The following TSC22D2 variants were observed in gnomAD, a reference collection of about 807,000 sequenced individuals.
TSC22D2 encodes the protein TSC22 domain family protein 2.
A neutral mutation model predicts 50.1 loss-of-function variants in TSC22D2; 5 were observed. That is an observed-to-expected ratio of 0.10 (90% CI 0.05 to 0.21). The LOEUF (loss-of-function observed/expected upper bound fraction) is 0.21. Among genes scored for constraint, TSC22D2 ranks in the 10% least tolerant of loss-of-function variants. The pLI is 1.00. For synonymous variants in TSC22D2, 501 were observed against 450.1 expected (o/e 1.11, Z -1.43); for missense variants, 1,003 against 1,015.5 (o/e 0.99, Z 0.17).
rs372052854 is a variant in TSC22D2 at position 150,456,626 on chromosome 3, G to GA, written c.1959-440dup. Among the ~76,000 whole-genome samples, 7 of 56,772 alleles carry GA rather than the reference G, an allele frequency of 1.2e-4. 1 individual carries two copies. The highest frequency in any genetic ancestry group is 0.02 in the Middle Eastern group (2 of 100). 37.2% of individuals were successfully genotyped at this position (56,772 alleles called of 152,430 possible). A position where few individuals can be genotyped will look rare whatever the true frequency, so the allele number is the denominator to read the frequency against. ...AAAGTCTTACTAAGAGGAGGGACTA[G>GA]AAAAAAAAAAGTCAAGCCATCATCT... On this transcript the variant is annotated intron_variant, in intron 1 of 2. Transcript: ENST00000688009.
Position 150,409,585 on chromosome 3 carries a change from G to A in TSC22D2, c.235G>A (p.Glu79Lys). The change falls in exon 1 of 3, where the codon GAG becomes AAG. Residue 79 changes from glutamate (E) to lysine (K), a missense_variant. Physicochemically the swap from Glu to Lys is moderately conservative, Grantham distance 56 (BLOSUM62 1). This residue lies in a region of TSC22D2 where 200 missense variants were observed against 182.8 expected (regional missense o/e 1.09). Coordinates refer to ENST00000688009, the MANE Select transcript of TSC22D2 (RefSeq NM_001303264.2). The surrounding 1 kb of genome is among the most constrained non-coding windows in gnomAD (Gnocchi z 7.4). ...EETLNNVGDA[E>K]TPGTVSPNLL... The stretch of plus-strand genomic sequence containing the variant: ...GACGCTTAACAATGTTGGGGATGCG[G>A]AGACTCCCGGGACCGTCTCCCCAAA... The A allele has an allele frequency of 6.3e-7, 1 of 1,599,576 alleles. No homozygotes were observed. Among genetic ancestry groups the A allele is most frequent in the Non-Finnish European group, 8.6e-7 (1 of 1,168,802 alleles).
chr3:150,417,271 G>A (rs1719846881), intron 1 of TSC22D2, among the ~76,000 whole-genome samples: 1 of 152,100 alleles, frequency 6.6e-6, no homozygotes, highest in African/African-American at 2.4e-5. Flanking sequence ...TATTACACAA[G>A]TATATAATTT....
intron 1 of TSC22D2, among the ~76,000 whole-genome samples, chr3:150,456,738 T>TA (rs1171654632): frequency 1.3e-5 from 2 of 152,140 alleles, no homozygotes; most frequent in Non-Finnish European, 2.9e-5. Flanking sequence ...ATTTAAGAGA[T>TA]ACGGAGAAGA....
chr3:150,423,537 A>G (rs1720082448), intron 1 of TSC22D2: 1 of 152,352 alleles, frequency 6.6e-6, no homozygotes, highest in Non-Finnish European at 1.5e-5. Flanking sequence ...GAGGAGGAAC[A>G]AGACCAAGGT....
chr3:150,410,664 C>G lies in TSC22D2; in HGVS notation c.1314C>G (p.Ala438=), dbSNP rs745397489. 14 of 1,555,192 alleles carry G rather than the reference C, an allele frequency of 9.0e-6. No homozygotes were observed. Among genetic ancestry groups the G allele is most frequent in the Non-Finnish European group, 1.1e-5 (13 of 1,152,546 alleles). ...GASSQPSEAM[A]PRTGPAQGGQ... ...CTTCCCAGCCCAGCGAAGCCATGGC[C>G]CCCCGGACGGGACCAGCGCAAGGCG... Residue 438 remains alanine, a synonymous_variant, in exon 1 of 3, where the codon GCC becomes GCG. Transcript: ENST00000688009.
At chr3:150,447,334 G>A (rs1273546145) in intron 1 of TSC22D2, among the ~76,000 whole-genome samples, 2 of 152,128 alleles carry the variant, frequency 1.3e-5, no homozygotes, top group African/African-American at 4.8e-5. Flanking sequence ...GGCCCCACTT[G>A]TCTTTTCATT....
intron 1 of TSC22D2, among the ~76,000 whole-genome samples, chr3:150,441,040 A>G (rs987098141): frequency 4.0e-5 from 6 of 148,940 alleles, no homozygotes; most frequent in Non-Finnish European, 8.9e-5. Flanking sequence ...GTCTTTTTAT[A>G]TATATATTAA....
At chr3:150,455,412 T>C (rs911175390) in intron 1 of TSC22D2, among the ~76,000 whole-genome samples, 2 of 152,220 alleles carry the variant, frequency 1.3e-5, no homozygotes, top group African/African-American at 4.8e-5. Context: ...ATATTAGATA[T>C]ACAAAACCTC....
At chr3:150,415,173 G>T (rs1322961031) in intron 1 of TSC22D2, among the ~76,000 whole-genome samples, 1 of 151,994 alleles carries the variant, frequency 6.6e-6, no homozygotes, top group East Asian at 1.9e-4. Flanking sequence ...TTTCCAAAAA[G>T]GCTTACGATT....
chr3:150,459,150 T>C lies in TSC22D2; in HGVS notation c.*514T>C, dbSNP rs1019389498. On this transcript the variant is annotated 3_prime_UTR_variant, in exon 3 of 3. Transcript: ENST00000688009. ...CTTTTTTAATTTTTTTGAATAATTA[T>C]AAGTATCAGTAAAGGAAGTGAAAGA... 5 of 152,668 alleles carry C rather than the reference T, an allele frequency of 3.3e-5. No individual in the cohort carries two copies. Among genetic ancestry groups the C allele is most frequent in the African/African-American group, 1.2e-4 (5 of 41,442 alleles). 9.5% of individuals were successfully genotyped at this position (152,668 alleles called of 1,614,324 possible). A position where few individuals can be genotyped will look rare whatever the true frequency, so the allele number is the denominator to read the frequency against.
rs755858421 is a variant in TSC22D2, at chr3:150,460,345, C to T, written c.*1709C>T. 7 of 152,176 alleles carry T rather than the reference C, an allele frequency of 4.6e-5. No individual in the cohort carries two copies. The highest frequency in any genetic ancestry group is 1.0e-4 in the Non-Finnish European group (7 of 68,026). The allele number at this position is 152,176 out of a possible 1,614,324, so 9.4% of individuals were successfully genotyped here. On this transcript the variant is annotated 3_prime_UTR_variant, in exon 3 of 3. Coordinates refer to ENST00000688009, the MANE Select transcript of TSC22D2 (RefSeq NM_001303264.2). ...GTCTACCAAAACTTTTACTTGAATT[C>T]AGAAAGGTGCCTGTAGAAATTAACA...
intron 1 of TSC22D2, among the ~76,000 whole-genome samples, chr3:150,414,941 T>A (rs1719744870): frequency 6.7e-6 from 1 of 150,080 alleles, no homozygotes; most frequent in Non-Finnish European, 1.5e-5. Flanking sequence ...ACAGTTGATG[T>A]CTGAATCACA....
intron 1 of TSC22D2, among the ~76,000 whole-genome samples, chr3:150,415,435 G>A (rs775460839): frequency 1.3e-5 from 2 of 152,266 alleles, no homozygotes; most frequent in Non-Finnish European, 1.5e-5. Flanking sequence ...ACCTTTATGA[G>A]AAGTCATTTT....
At chr3:150,427,702 A>G (rs949683150) in intron 1 of TSC22D2, among the ~76,000 whole-genome samples, 4 of 152,082 alleles carry the variant, frequency 2.6e-5, no homozygotes, top group Non-Finnish European at 4.4e-5. Context: ...CTAGTAGAGG[A>G]TAGTACAAGA....
intron 1 of TSC22D2, among the ~76,000 whole-genome samples, chr3:150,450,055 T>C (rs904428903): frequency 6.6e-6 from 1 of 151,828 alleles, no homozygotes; most frequent in African/African-American, 2.4e-5. Flanking sequence ...AATGTGTTTA[T>C]TTAAAGTTCT....
chr3:150,440,665 C>T (rs1015773788), intron 1 of TSC22D2, among the ~76,000 whole-genome samples: 11 of 53,910 alleles, frequency 2.0e-4, no homozygotes, highest in African/African-American at 7.9e-4. Context: ...CCTTTAGTTG[C>T]GAATAATTCT....
intron 1 of TSC22D2, among the ~76,000 whole-genome samples, chr3:150,454,548 A>AT (rs1477623725): frequency 6.6e-6 from 1 of 152,198 alleles, no homozygotes; most frequent in Non-Finnish European, 1.5e-5. Context: ...AGAAATGCAG[A>AT]TTCCTGGTTC....
In TSC22D2 at chr3:150,408,671, T is replaced by G. The variant is rs999118238; in HGVS notation, c.-680T>G. 1.1e-4 allele frequency: 17 copies of G among 152,462 alleles called. No homozygotes were observed. Among genetic ancestry groups the G allele is most frequent in the African/African-American group, 4.1e-4 (17 of 41,424 alleles). 9.4% of individuals were successfully genotyped at this position (152,462 alleles called of 1,614,324 possible). On this transcript the variant is annotated 5_prime_UTR_variant, in exon 1 of 3. The change abolishes an upstream ATG in the 5' untranslated region. Coordinates refer to ENST00000688009, the MANE Select transcript of TSC22D2 (RefSeq NM_001303264.2). ...GGGTTTCCGCCTGAGGCAGTCGACA[T>G]GTCCCTGGGGCTGAGCTCCGGCTAG...
chr3:150,459,572 G>GTTTTTTTTTTTTTTTGTT lies in TSC22D2; in HGVS notation c.*949_*950insTTGTTTTTTTTTTTTTTT, dbSNP rs11330414. The GTTTTTTTTTTTTTTTGTT allele has an allele frequency of 8.7e-6, 1 of 115,560 alleles. No homozygotes were observed. Among genetic ancestry groups the GTTTTTTTTTTTTTTTGTT allele is most frequent in the South Asian group, 2.7e-4 (1 of 3,690 alleles). The allele number at this position is 115,560 out of a possible 1,614,324, so 7.2% of individuals were successfully genotyped here. On this transcript the variant is annotated 3_prime_UTR_variant, in exon 3 of 3. Coordinates refer to ENST00000688009, the MANE Select transcript of TSC22D2 (RefSeq NM_001303264.2). The stretch of plus-strand genomic sequence containing the variant: ...TAATGGAGTTTGGTTTTTTTTTGTT[G>GTTTTTTTTTTTTTTTGTT]TTTTTTTTTTTTTGTCTTTTTTTTT...
Sources: gnomAD v4.1 joint callset for allele counts (sites outside exome capture counted in the v4.1 genomes callset) on GRCh38, gnomAD v4.1.1 for gene constraint, gnomAD v4.1.1 regional missense constraint, Gnocchi (gnomAD v3.1) non-coding constraint, MANE v1.5 for transcripts, NCBI Gene and HGNC (gene_info 2026-07-23, HGNC 2026-07-21) for gene names.